The following COXFA4 variants were observed in gnomAD, a reference collection of about 807,000 sequenced individuals.
COXFA4 encodes the protein cytochrome c oxidase subunit FA4.
chr7:10,937,931 A>C, the COXFA4 span: 2 of 633,484 alleles, frequency 3.2e-6, no homozygotes, highest in Non-Finnish European at 5.7e-6. Context: ...TATTTATTAG[A>C]GCAATATACC....
chr7:10,932,555 AT>A, the COXFA4 span: 1 of 152,236 alleles, frequency 6.6e-6, no homozygotes, highest in Admixed American at 6.5e-5. Context: ...ACGTATGAAA[AT>A]CCAAAATTAA....
At chr7:10,940,024 G>C in the COXFA4 span, 1 of 1,613,930 alleles carries the variant, frequency 6.2e-7, no homozygotes, top group Non-Finnish European at 8.5e-7. Flanking sequence ...ACGCTCGGAT[G>C]CTTCTTGGCC....
the COXFA4 span, chr7:10,940,004 T>C: frequency 6.2e-7 from 1 of 1,613,788 alleles, no homozygotes; most frequent in Non-Finnish European, 8.5e-7. Context: ...AGGAGAGCGG[T>C]CACGAACTTA....
At chr7:10,938,886 A>G in the COXFA4 span, 1 of 1,612,986 alleles carries the variant, frequency 6.2e-7, no homozygotes, top group Admixed American at 1.7e-5. Flanking sequence ...AAATACAAAG[A>G]GGGGGATCAA....
the COXFA4 span, among the ~76,000 whole-genome samples, chr7:10,934,388 A>AAAC: frequency 6.6e-6 from 1 of 151,570 alleles, no homozygotes; most frequent in African/African-American, 2.4e-5. Context: ...AAAAAAAAAA[A>AAAC]AAAAAACTCC....
the COXFA4 span, chr7:10,939,676 TCTCTGACCCACACAGCGCA>T: frequency 7.7e-6 from 3 of 390,458 alleles, no homozygotes; most frequent in Non-Finnish European, 1.5e-5. Context: ...CCTATGCTAG[TCTCTGACCCACACAGCGCA>T]CATCTATCCC....
the COXFA4 span, chr7:10,938,046 T>C: frequency 1.3e-6 from 2 of 1,556,634 alleles, no homozygotes; most frequent in Non-Finnish European, 1.8e-6. Context: ...CAAAACTTAT[T>C]ACAACACAAT....
chr7:10,936,619 A>C, the COXFA4 span, among the ~76,000 whole-genome samples: 1 of 152,226 alleles, frequency 6.6e-6, no homozygotes, highest in South Asian at 2.1e-4. Context: ...GATGAGATCG[A>C]TGTTTCAGCT....
At chr7:10,933,753 T>G in the COXFA4 span, 1 of 1,235,358 alleles carries the variant, frequency 8.1e-7, no homozygotes, top group South Asian at 1.3e-5. Context: ...GTACAAAGGT[T>G]TTAGAATTCT....
the COXFA4 span, among the ~76,000 whole-genome samples, chr7:10,936,487 C>A: frequency 6.6e-6 from 1 of 152,076 alleles, no homozygotes; most frequent in African/African-American, 2.4e-5. Flanking sequence ...TTAAAAGTTT[C>A]TTGTATGTGG....
the COXFA4 span, chr7:10,939,367 A>G: frequency 5.4e-6 from 1 of 186,404 alleles, no homozygotes. Flanking sequence ...GGCTTTAAGC[A>G]TTATCTCTGA....
chr7:10,938,855 T>A, the COXFA4 span: 4 of 1,613,708 alleles, frequency 2.5e-6, no homozygotes, highest in Admixed American at 6.7e-5. Context: ...ACAGTGTTGC[T>A]CCAGTAGCTC....
the COXFA4 span, chr7:10,932,832 A>G: frequency 3.9e-5 from 6 of 152,114 alleles, no homozygotes; most frequent in Admixed American, 3.9e-4. Context: ...TTAACTGGGC[A>G]TGGTGGCACA....
At chr7:10,933,841 G>A in the COXFA4 span, 1 of 640,760 alleles carries the variant, frequency 1.6e-6, no homozygotes, top group Non-Finnish European at 2.7e-6. Flanking sequence ...ATCATTCACA[G>A]AAAAATACTG....
chr7:10,935,692 AG>A, the COXFA4 span, among the ~76,000 whole-genome samples: 2 of 152,140 alleles, frequency 1.3e-5, no homozygotes, highest in African/African-American at 4.8e-5. Flanking sequence ...GGCCCTCATG[AG>A]GAACAGAATT....
At chr7:10,938,764 GC>G in the COXFA4 span, 5 of 1,440,894 alleles carry the variant, frequency 3.5e-6, no homozygotes, top group Middle Eastern at 2.2e-4. Flanking sequence ...CTCCTAAACT[GC>G]CTTGATCAGC....
At chr7:10,933,467 TTA>T in the COXFA4 span, 3 of 566,562 alleles carry the variant, frequency 5.3e-6, no homozygotes, top group African/African-American at 5.7e-5. Context: ...CAAGTTTCAG[TTA>T]TTTATTGATT....
At chr7:10,933,661 A>G in the COXFA4 span, 1 of 1,611,100 alleles carries the variant, frequency 6.2e-7, no homozygotes, top group Admixed American at 1.7e-5. Flanking sequence ...TTCCTTCTTC[A>G]GCTTGCTGTA....
At chr7:10,937,356 C>T in the COXFA4 span, among the ~76,000 whole-genome samples, 2 of 151,834 alleles carry the variant, frequency 1.3e-5, no homozygotes, top group Admixed American at 1.3e-4. Flanking sequence ...GATCCTGGCT[C>T]ACTGCAACCT....
Sources: allele counts gnomAD v4.1 joint callset (sites outside exome capture counted in the v4.1 genomes callset), GRCh38; gene constraint gnomAD v4.1.1; transcripts MANE v1.5; gene names NCBI Gene and HGNC (gene_info 2026-07-23, HGNC 2026-07-21).